Variants in DSG1 observed in about 807,000 individuals in gnomAD.
DSG1 encodes desmoglein-1.
Under a neutral mutation model 97.5 loss-of-function variants are expected in DSG1, and 39 were observed. That is an observed-to-expected ratio of 0.40 (90% CI 0.31 to 0.52). The LOEUF (loss-of-function observed/expected upper bound fraction) is 0.52, where lower values mean the gene tolerates loss of function less well. Among genes scored for constraint, DSG1 ranks in the 20% least tolerant of loss-of-function variants. The pLI is 0.53. For synonymous variants in DSG1, 475 were observed against 443.4 expected (o/e 1.07, Z -0.90); for missense variants, 1,311 against 1,295.4 (o/e 1.01, Z -0.18).
intron 11 of DSG1, among the ~76,000 whole-genome samples, chr18:31,340,540 G>A (rs1274082910): frequency 6.6e-6 from 1 of 150,496 alleles, no homozygotes; most frequent in Non-Finnish European, 1.5e-5. Context: ...CCCAGGAGGC[G>A]GGGGTTCAGT....
At position 31,339,682 on chromosome 18, in the gene DSG1, T is replaced by C. The variant is rs932147342; in HGVS notation, c.1406-62T>C. The C allele has an allele frequency of 1.2e-5, 15 of 1,297,316 alleles. No individual in the cohort carries two copies. In the African/African-American group the frequency reaches 2.1e-4, roughly 18 times the overall value. The allele number at this position is 1,297,316 out of a possible 1,614,324, so 80.4% of individuals were successfully genotyped here. On this transcript the variant is annotated intron_variant, in intron 10 of 14. Transcript: ENST00000257192. ...TGTTAATGTAAAAAATAATTCTGTG[T>C]TGTCCAACCATTCCTACACTAAATG...
intron 6 of DSG1, 61 bp from the exon 7 acceptor site, chr18:31,333,528 A>C: frequency 6.2e-7 from 1 of 1,609,264 alleles, no homozygotes; most frequent in East Asian, 2.2e-5. Context: ...AGAACTTTAC[A>C]TAAGACAAAG....
At chr18:31,326,822 G>T in intron 2 of DSG1, 52 bp from the exon 3 acceptor site, 1 of 1,592,660 alleles carries the variant, frequency 6.3e-7, no homozygotes, top group South Asian at 1.1e-5. Flanking sequence ...AGTGGAATTT[G>T]AATTACGAAT....
intron 1 of DSG1, among the ~76,000 whole-genome samples, chr18:31,319,797 A>G (rs962011343): frequency 2.6e-5 from 4 of 152,162 alleles, no homozygotes; most frequent in African/African-American, 9.6e-5. Context: ...AGCATATCAA[A>G]TTTCTTTAAA....
At position 31,339,831 on chromosome 18, in the gene DSG1, C is replaced by A. The variant is rs8091117; in HGVS notation, c.1493C>A (p.Thr498Asn). ...GACAGGACTAATACAGAGCCGAACACTAAAATTACTACCAATACTGGCAGA... is the reference window on the plus strand; with the variant it reads ...GACAGGACTAATACAGAGCCGAACAATAAAATTACTACCAATACTGGCAGA... ...NDDRTNTEPN[T>N]KITTNTGRQE... Residue 498 changes from threonine (T) to asparagine (N), a missense_variant, in exon 11 of 15, where the codon ACT becomes AAT. Thr to Asn is a moderately conservative substitution (Grantham distance 65). Transcript: ENST00000257192. 155,087 of 1,613,596 alleles carry A rather than the reference C, an allele frequency of 0.096. 13,544 individuals carry two copies. Among genetic ancestry groups the A allele is most frequent in the African/African-American group, 0.44 (33,284 of 74,894 alleles).
intron 1 of DSG1, among the ~76,000 whole-genome samples, chr18:31,325,464 G>A (rs759249475): frequency 3.1e-4 from 47 of 152,104 alleles, no homozygotes; most frequent in Non-Finnish European, 5.7e-4. Flanking sequence ...CAAGAGAGAG[G>A]GAAAAGTGTT....
intron 8 of DSG1, 45 bp from the exon 9 acceptor site, chr18:31,336,309 G>A (rs757763529): frequency 4.6e-5 from 72 of 1,568,430 alleles, no homozygotes; most frequent in African/African-American, 2.7e-4. Flanking sequence ...CACCTGGAAC[G>A]TTTTATTTTC....
intron 11 of DSG1, among the ~76,000 whole-genome samples, chr18:31,343,203 T>G (rs1406638627): frequency 6.6e-6 from 1 of 152,136 alleles, no homozygotes; most frequent in Non-Finnish European, 1.5e-5. Flanking sequence ...TGAGCCACCA[T>G]GCCAGGCCCA....
chr18:31,349,346 C>T (rs2071873618), intron 14 of DSG1, among the ~76,000 whole-genome samples: 1 of 147,342 alleles, frequency 6.8e-6, no homozygotes, highest in Admixed American at 6.7e-5. Context: ...GGTACCAGTA[C>T]CATGCTGTTT....
Position 31,354,462 on chromosome 18 carries a change from A to C in DSG1, c.2266A>C (p.Lys756Gln), listed in dbSNP as rs1368720005. 1.9e-6 allele frequency: 3 copies of C among 1,614,162 alleles called. No homozygotes were observed. Among genetic ancestry groups the C allele is most frequent in the Non-Finnish European group, 2.5e-6 (3 of 1,180,022 alleles). The change falls in exon 15 of 15, where the codon AAG (lysine) becomes CAG (glutamine). Residue 756 changes from lysine (K) to glutamine (Q), a missense_variant. Lys to Gln is a moderately conservative substitution (Grantham distance 53, BLOSUM62 1). Coordinates refer to ENST00000257192, the MANE Select transcript of DSG1 (RefSeq NM_001942.4). ...CTTGGATACCCTGGGACCTAAATTT[A>C]AGAAGTTGGCAGACATCAGCCTAGG... ...SFLDTLGPKF[K>Q]KLADISLGKE... is the part of the protein sequence containing the mutation.
chr18:31,347,266 T>G (rs556218348), intron 14 of DSG1, among the ~76,000 whole-genome samples: 1 of 152,322 alleles, frequency 6.6e-6, no homozygotes, highest in East Asian at 1.9e-4. Context: ...ACAAAATATT[T>G]TGTTATATTT....
At chr18:31,336,732 T>A in intron 9 of DSG1, 119 bp downstream of exon 9, 1 of 1,111,280 alleles carries the variant, frequency 9.0e-7, no homozygotes, top group Non-Finnish European at 1.3e-6. Context: ...AACTATCATT[T>A]AATTGTAAAA....
chr18:31,330,639 A>C (rs1598700962), intron 5 of DSG1, among the ~76,000 whole-genome samples: 1 of 152,150 alleles, frequency 6.6e-6, no homozygotes, highest in East Asian at 1.9e-4. Flanking sequence ...TGCTGTCTGC[A>C]TTTCCTAGTA....
intron 1 of DSG1, among the ~76,000 whole-genome samples, chr18:31,324,790 A>T (rs1184820649): frequency 6.6e-6 from 1 of 152,132 alleles, no homozygotes; most frequent in Non-Finnish European, 1.5e-5. Flanking sequence ...TCAACTGCTC[A>T]CCGTCTGTAA....
Position 31,355,160 on chromosome 18 carries a change from C to T in DSG1, c.2964C>T (p.Ser988=), listed in dbSNP as rs16961694. 13,946 of 1,607,664 alleles carry T rather than the reference C, an allele frequency of 8.7e-3. 535 individuals are homozygous for T. In the African/African-American group the frequency reaches 0.11, roughly 13 times the overall value. ...TTGGCACCAGCATGGGTGCTGGGAGCGGTGCCCTGAGTGGAGCTGGCATAA... is the reference window on the plus strand; with the variant it reads ...TTGGCACCAGCATGGGTGCTGGGAGTGGTGCCCTGAGTGGAGCTGGCATAA... ...GLVGTSMGAG[S]GALSGAGISG... The change falls in exon 15 of 15, where the codon AGC becomes AGT. Residue 988 remains serine (S), a synonymous_variant. Transcript: ENST00000257192.
intron 1 of DSG1, among the ~76,000 whole-genome samples, chr18:31,322,714 A>T (rs1329678292): frequency 1.3e-5 from 2 of 152,230 alleles, no homozygotes; most frequent in Non-Finnish European, 2.9e-5. Flanking sequence ...TTACATTAGA[A>T]TTGAATGCTT....
At position 31,356,342 on chromosome 18, in the gene DSG1, C is replaced by G. The variant is rs1272391959; in HGVS notation, c.*996C>G. ...GTATCCAGCTCTTTATTACATAGCT[C>G]TGAAGTTAAAATGATTTACATAGGC... On this transcript the variant is annotated 3_prime_UTR_variant, in exon 15 of 15. Transcript: ENST00000257192. The G allele has an allele frequency of 6.6e-6, 1 of 151,498 alleles. No homozygotes were observed. Among genetic ancestry groups the G allele is most frequent in the Non-Finnish European group, 1.5e-5 (1 of 67,924 alleles). 9.4% of individuals were successfully genotyped at this position (151,498 alleles called of 1,614,324 possible).
At chr18:31,335,897 A>C (rs2071748775) in intron 8 of DSG1, among the ~76,000 whole-genome samples, 1 of 151,442 alleles carries the variant, frequency 6.6e-6, no homozygotes, top group African/African-American at 2.4e-5. Flanking sequence ...TCACACTTAC[A>C]GATGTGAAAT....
At chr18:31,332,586 C>T (rs1450464809) in intron 6 of DSG1, among the ~76,000 whole-genome samples, 1 of 151,952 alleles carries the variant, frequency 6.6e-6, no homozygotes, top group Non-Finnish European at 1.5e-5. Context: ...AAAAAATTGT[C>T]TTTTAATAGA....
Sources: gnomAD v4.1 joint callset for allele counts (sites outside exome capture counted in the v4.1 genomes callset) on GRCh38, gnomAD v4.1.1 for gene constraint, MANE v1.5 for transcripts, NCBI Gene and HGNC (gene_info 2026-07-23, HGNC 2026-07-21) for gene names.